STK4: variants seen among roughly 807,000 people sequenced by gnomAD.
STK4 encodes serine/threonine kinase 4.
In STK4, 30 loss-of-function variants were observed where a neutral mutation model predicts 64.9. That is an observed-to-expected ratio of 0.46 (90% CI 0.35 to 0.63). The LOEUF (loss-of-function observed/expected upper bound fraction) is 0.63, where lower values mean the gene tolerates loss of function less well. Ranked by LOEUF, STK4 falls within the 20% of genes least tolerant of loss-of-function variation. The pLI, the probability that STK4 is intolerant of heterozygous loss-of-function variation, is 0.01. For missense variants in STK4, 466 were observed against 598.5 expected (o/e 0.78, Z 2.31); for synonymous variants, 177 against 199.0 (o/e 0.89, Z 0.93).
chr20:45,066,213 C>G (rs1045971899), intron 10 of STK4, among the ~76,000 whole-genome samples: 3 of 146,672 alleles, frequency 2.0e-5, no homozygotes, highest in South Asian at 2.1e-4. Flanking sequence ...CACACACACA[C>G]AGATATCTAG....
At chr20:44,980,778 C>T (rs2067423830) in intron 3 of STK4, among the ~76,000 whole-genome samples, 1 of 152,026 alleles carries the variant, frequency 6.6e-6, no homozygotes, top group Non-Finnish European at 1.5e-5. Flanking sequence ...ATGCCATTCT[C>T]CTGCCTCAGC....
At chr20:45,029,375 C>G (rs79382680) in intron 10 of STK4, among the ~76,000 whole-genome samples, 4,273 of 152,192 alleles carry the variant, frequency 0.028, 182 homozygotes, top group African/African-American at 0.092. Context: ...CTTGAGCCAG[C>G]CTATTCTGAT....
At chr20:45,014,648 A>G (rs1463080407) in intron 9 of STK4, among the ~76,000 whole-genome samples, 2 of 152,164 alleles carry the variant, frequency 1.3e-5, no homozygotes, top group Non-Finnish European at 2.9e-5. Context: ...GCCCCTCATG[A>G]GGAAATGACA....
rs144404803 is a variant in STK4 at position 44,993,851 on chromosome 20, C to T, written c.526-1239C>T. On this transcript the variant is annotated intron_variant, in intron 5 of 10. Coordinates refer to ENST00000372806, the MANE Select transcript of STK4 (RefSeq NM_006282.5). ...AAAATTAGTCGGGCATGATGGTGGG[C>T]GCCTGTAATCCAAGCTACTTGGGAG... is the stretch of plus-strand genomic sequence containing the variant. Among the ~76,000 whole-genome samples the T allele has an allele frequency of 3.1e-3, 468 of 152,022 alleles. 2 individuals carry two copies. The highest frequency in any genetic ancestry group is 5.7e-3 in the Non-Finnish European group (386 of 67,970).
intron 10 of STK4, among the ~76,000 whole-genome samples, chr20:45,048,754 T>C (rs1277556222): frequency 6.6e-6 from 1 of 152,146 alleles, no homozygotes; most frequent in African/African-American, 2.4e-5. Flanking sequence ...AGTGCTGGAA[T>C]TACAGGCGTG....
At chr20:45,049,642 T>C (rs2299977) in intron 10 of STK4, among the ~76,000 whole-genome samples, 14,401 of 152,282 alleles carry the variant, frequency 0.095, 800 homozygotes, top group East Asian at 0.19. Flanking sequence ...CCAGAGTTCA[T>C]TGCTAAACGG....
Position 44,994,990 on chromosome 20 carries a change from T to C in STK4, c.526-100T>C, listed in dbSNP as rs543859371. ...TGTTGGAAAAGCCTCTTTTTCTCAG[T>C]AGTTTTTTTTTTTTTCTTCTTTTTT... On this transcript the variant is annotated intron_variant, in intron 5 of 10. Transcript: ENST00000372806. 2.3e-4 allele frequency: 237 copies of C among 1,033,844 alleles called. No homozygotes were observed. In the South Asian group the frequency reaches 3.8e-3, roughly 17 times the overall value. 64.0% of individuals were successfully genotyped at this position (1,033,844 alleles called of 1,614,324 possible). A position where few individuals can be genotyped will look rare whatever the true frequency, so the allele number is the denominator to read the frequency against.
At chr20:44,998,671 T>A (rs1256645750) in intron 7 of STK4, among the ~76,000 whole-genome samples, 1 of 152,214 alleles carries the variant, frequency 6.6e-6, no homozygotes, top group Non-Finnish European at 1.5e-5. Context: ...TGAAATAATA[T>A]GGCTTTCAAC....
At chr20:45,009,788 G>A (rs551879725) in intron 9 of STK4, among the ~76,000 whole-genome samples, 1 of 152,152 alleles carries the variant, frequency 6.6e-6, no homozygotes, top group East Asian at 1.9e-4. Flanking sequence ...TTTTCTTTGT[G>A]GCTGTTGTAA....
intron 4 of STK4, among the ~76,000 whole-genome samples, 194 bp downstream of exon 4, chr20:44,982,137 C>T (rs1241260091): frequency 5.7e-5 from 8 of 140,520 alleles, no homozygotes; most frequent in Non-Finnish European, 4.6e-5. Context: ...TTCAAGAGAC[C>T]AGAGTCCCCT....
intron 10 of STK4, among the ~76,000 whole-genome samples, chr20:45,063,278 T>C (rs369567298): frequency 6.6e-6 from 1 of 151,980 alleles, no homozygotes; most frequent in South Asian, 2.1e-4. Flanking sequence ...AAAGTGTGAT[T>C]ACAGGTGTGA....
chr20:45,013,468 C>G (rs1296295108), intron 9 of STK4, among the ~76,000 whole-genome samples: 4 of 151,940 alleles, frequency 2.6e-5, no homozygotes, highest in South Asian at 4.2e-4. Context: ...ATATTTTTTT[C>G]CAGTGTGTAG....
intron 7 of STK4, among the ~76,000 whole-genome samples, chr20:44,998,421 T>C (rs2067773610): frequency 6.6e-6 from 1 of 152,238 alleles, no homozygotes; most frequent in Admixed American, 6.5e-5. Flanking sequence ...AATGTTCACA[T>C]GTATTGAAGA....
intron 9 of STK4, among the ~76,000 whole-genome samples, chr20:45,011,484 G>A (rs2145345142): frequency 6.6e-6 from 1 of 151,882 alleles, no homozygotes; most frequent in East Asian, 1.9e-4. Context: ...GTTCAAATAA[G>A]AAGTCAGCCA....
At chr20:45,031,615 A>G (rs2068444580) in intron 10 of STK4, among the ~76,000 whole-genome samples, 1 of 152,186 alleles carries the variant, frequency 6.6e-6, no homozygotes, top group South Asian at 2.1e-4. Flanking sequence ...ATTGATATCA[A>G]ATGAGGCCAA....
rs2067545053 is a variant in STK4 at position 44,987,225 on chromosome 20, G to A, written c.454G>A (p.Ala152Thr). Residue 152 changes from alanine (A) to threonine (T), a missense_variant, in exon 5 of 11, where the codon GCA becomes ACA. Coordinates refer to ENST00000372806, the MANE Select transcript of STK4 (RefSeq NM_006282.5). ...FMRKIHRDIK[A>T]GNILLNTEGH... ...GAGAAAAATACACCGAGATATCAAG[G>A]CAGGAAATATTTTGCTAAATACAGA... 4 of 1,612,198 alleles carry A rather than the reference G, an allele frequency of 2.5e-6. No homozygotes were observed. The highest frequency in any genetic ancestry group is 1.7e-5 in the Admixed American group (1 of 59,734).
intron 10 of STK4, among the ~76,000 whole-genome samples, chr20:45,044,243 G>A (rs1056801576): frequency 6.6e-6 from 1 of 152,172 alleles, no homozygotes; most frequent in Non-Finnish European, 1.5e-5. Context: ...TCTACCAATA[G>A]ATGCCGCCCT....
intron 10 of STK4, among the ~76,000 whole-genome samples, chr20:45,050,793 A>G (rs373492031): frequency 2.5e-4 from 38 of 152,120 alleles, no homozygotes; most frequent in African/African-American, 7.9e-4. Flanking sequence ...TGGTTTCTGG[A>G]ATTTTATGTC....
At chr20:45,044,488 A>C (rs1320890750) in intron 10 of STK4, among the ~76,000 whole-genome samples, 1 of 152,064 alleles carries the variant, frequency 6.6e-6, no homozygotes, top group Non-Finnish European at 1.5e-5. Flanking sequence ...TCTACAAAAA[A>C]TAAAAGCACA....
Sources: gnomAD v4.1 joint callset for allele counts (sites outside exome capture counted in the v4.1 genomes callset) on GRCh38, gnomAD v4.1.1 for gene constraint, MANE v1.5 for transcripts, NCBI Gene and HGNC (gene_info 2026-07-23, HGNC 2026-07-21) for gene names.